KCNQ1: variants seen among roughly 807,000 people sequenced by gnomAD.
KCNQ1 encodes the protein potassium voltage-gated channel subfamily Q member 1.
Under a neutral mutation model 72.4 loss-of-function variants are expected in KCNQ1, and 49 were observed. The observed-to-expected ratio is 0.68, with a 90% CI of 0.54 to 0.86. The LOEUF (loss-of-function observed/expected upper bound fraction) is 0.86, where lower values mean the gene tolerates loss of function less well. Among genes scored for constraint, KCNQ1 ranks in the 40% least tolerant of loss-of-function variants. The pLI is 0.00. For synonymous variants in KCNQ1, 450 were observed against 412.6 expected (o/e 1.09, Z -1.10); for missense variants, 790 against 945.1 (o/e 0.84, Z 2.15).
intron 15 of KCNQ1, among the ~76,000 whole-genome samples, chr11:2,837,342 C>T (rs888160962): frequency 1.3e-5 from 2 of 152,104 alleles, no homozygotes; most frequent in Non-Finnish European, 2.9e-5. Flanking sequence ...TCCCCTGAGC[C>T]CCTCCCTTCA....
At chr11:2,730,692 C>G (rs1845842483) in intron 11 of KCNQ1, among the ~76,000 whole-genome samples, 1 of 152,196 alleles carries the variant, frequency 6.6e-6, no homozygotes, top group African/African-American at 2.4e-5. Flanking sequence ...CTATCCAGGC[C>G]CCATTACCCT....
intron 10 of KCNQ1, among the ~76,000 whole-genome samples, chr11:2,597,336 C>A (rs1848747082): frequency 6.6e-6 from 1 of 152,126 alleles, no homozygotes; most frequent in South Asian, 2.1e-4. Flanking sequence ...GAAATTTATT[C>A]TACACATATC....
At chr11:2,648,559 T>C (rs1009383379) in intron 10 of KCNQ1, 1 of 398,434 alleles carries the variant, frequency 2.5e-6, no homozygotes, top group Admixed American at 4.4e-5. Context: ...TGTAGTTTGA[T>C]TTCCGTGTAT....
rs2133896867 is a variant in KCNQ1, at chr11:2,695,256, C to G, written c.1514+33175C>G. ...CTCTCTTCCTCTCCATGCTTTTCCA[C>G]TTCATCTCTAGCCTCTATCCTTGCT... On this transcript the variant is annotated intron_variant, in intron 11 of 15. Coordinates refer to ENST00000155840, the MANE Select transcript of KCNQ1 (RefSeq NM_000218.3). This position sits in a 1 kb window ranked among gnomAD's most constrained non-coding sequence, Gnocchi z 5.2. 4 of 398,678 alleles carry G rather than the reference C, an allele frequency of 1.0e-5. No homozygotes were observed. The East Asian group carries it at 1.4e-4, about 14-fold the overall frequency. 24.7% of individuals were successfully genotyped at this position (398,678 alleles called of 1,614,324 possible).
chr11:2,706,117 A>G (rs937738833), intron 11 of KCNQ1, among the ~76,000 whole-genome samples: 2 of 152,366 alleles, frequency 1.3e-5, no homozygotes, highest in East Asian at 1.9e-4. Context: ...ATGTGTCTAC[A>G]AGGCCTTTGA....
At position 2,566,776 on chromosome 11, in the gene KCNQ1, A is replaced by G. The variant is rs6578273; in HGVS notation, c.478-3852A>G. Among the ~76,000 whole-genome samples the G allele has an allele frequency of 0.37, 55,612 of 151,954 alleles. 11,359 individuals carry two copies. The highest frequency in any genetic ancestry group is 0.61 in the East Asian group (3,145 of 5,154). ...CCTTGACCCCGGGGGGCTTGCAGGCACCACATAGATCTTGTGAGAGGCGCT... is the reference window on the plus strand; with the variant it reads ...CCTTGACCCCGGGGGGCTTGCAGGCGCCACATAGATCTTGTGAGAGGCGCT... On this transcript the variant is annotated intron_variant, in intron 2 of 15. Transcript: ENST00000155840. This position sits in a 1 kb window ranked among gnomAD's most constrained non-coding sequence, Gnocchi z 6.7.
chr11:2,470,526 C>T (rs1190431334), intron 1 of KCNQ1, among the ~76,000 whole-genome samples: 2 of 151,958 alleles, frequency 1.3e-5, no homozygotes, highest in African/African-American at 2.4e-5. Context: ...GAAGACAAGC[C>T]GGCGTCTTAT....
In KCNQ1 at chr11:2,612,780, C is replaced by A. The variant is rs971570812; in HGVS notation, c.1393+23926C>A. On this transcript the variant is annotated intron_variant, in intron 10 of 15. Transcript: ENST00000155840. This position sits in a 1 kb window ranked among gnomAD's most constrained non-coding sequence, Gnocchi z 5.5. ...GCTCATTATTCTTGTTCAAGGGTCA[C>A]AATTTTCTGTTTCTTTGCATATCTC... The A allele has an allele frequency of 2.5e-5, 10 of 398,414 alleles. No individual in the cohort carries two copies. The East Asian group carries it at 3.2e-4, about 13-fold the overall frequency. 24.7% of individuals were successfully genotyped at this position (398,414 alleles called of 1,614,324 possible). A position where few individuals can be genotyped will look rare whatever the true frequency, so the allele number is the denominator to read the frequency against.
chr11:2,509,850 G>T lies in KCNQ1; in HGVS notation c.387-18078G>T, dbSNP rs1333875130. Among the ~76,000 whole-genome samples the T allele has an allele frequency of 1.3e-5, 2 of 152,172 alleles. No homozygotes were observed. The highest frequency in any genetic ancestry group is 4.8e-5 in the African/African-American group (2 of 41,430). ...CCTGGCGGGGCCGGCCAATGGTGGC[G>T]TGATGCAGCCTGGCTTGGGAAATGC... On this transcript the variant is annotated intron_variant, in intron 1 of 15. Coordinates refer to ENST00000155840, the MANE Select transcript of KCNQ1 (RefSeq NM_000218.3). This position sits in a 1 kb window ranked among gnomAD's most constrained non-coding sequence, Gnocchi z 6.3.
At chr11:2,452,285 C>T (rs1846128351) in intron 1 of KCNQ1, among the ~76,000 whole-genome samples, 2 of 152,288 alleles carry the variant, frequency 1.3e-5, no homozygotes, top group East Asian at 1.9e-4. Flanking sequence ...GCAGGAACCA[C>T]AGGCAGAGCA....
chr11:2,609,631 A>G (rs898554812), intron 10 of KCNQ1: 6 of 398,256 alleles, frequency 1.5e-5, no homozygotes, highest in Non-Finnish European at 2.7e-5. Context: ...TGAAGTCTCC[A>G]ACTACTATTG....
chr11:2,773,838 G>C (rs1028387625), intron 12 of KCNQ1, among the ~76,000 whole-genome samples: 2 of 150,206 alleles, frequency 1.3e-5, no homozygotes, highest in African/African-American at 4.9e-5. Context: ...GATGCTACCA[G>C]GTACAAGAGA....
At chr11:2,521,632 C>A (rs888295704) in intron 1 of KCNQ1, 2 of 434,066 alleles carry the variant, frequency 4.6e-6, no homozygotes, top group Non-Finnish European at 9.8e-6. Flanking sequence ...GAGCTGCCCA[C>A]GTGTCTTTGC....
rs1029845098 is a variant in KCNQ1, at chr11:2,781,263, G to A, written c.1794+3226G>A. On this transcript the variant is annotated intron_variant, in intron 15 of 15. Coordinates refer to ENST00000155840, the MANE Select transcript of KCNQ1 (RefSeq NM_000218.3). This position sits in a 1 kb window ranked among gnomAD's most constrained non-coding sequence, Gnocchi z 6.6. ...GATGGGGAAACCGAGGCTCAGAGAG[G>A]CTGAGTGGTCGCCTGAGGTCACACA... Among the ~76,000 whole-genome samples the A allele has an allele frequency of 6.6e-6, 1 of 152,198 alleles. No homozygotes were observed. Among genetic ancestry groups the A allele is most frequent in the Non-Finnish European group, 1.5e-5 (1 of 68,036 alleles).
At chr11:2,821,005 G>A (rs887738353) in intron 15 of KCNQ1, among the ~76,000 whole-genome samples, 4 of 152,264 alleles carry the variant, frequency 2.6e-5, no homozygotes, top group African/African-American at 9.6e-5. Flanking sequence ...ATCTAAGCGA[G>A]GGGTTCCTTA....
intron 15 of KCNQ1, among the ~76,000 whole-genome samples, chr11:2,839,374 G>A (rs1427364267): frequency 5.3e-5 from 8 of 152,242 alleles, no homozygotes; most frequent in Admixed American, 1.3e-4. Context: ...ATGAATGTCC[G>A]CACGGAGCAG....
At position 2,612,697 on chromosome 11, in the gene KCNQ1, C is replaced by T. The variant is rs2133792795; in HGVS notation, c.1393+23843C>T. On this transcript the variant is annotated intron_variant, in intron 10 of 15. Coordinates refer to ENST00000155840, the MANE Select transcript of KCNQ1 (RefSeq NM_000218.3). This position sits in a 1 kb window ranked among gnomAD's most constrained non-coding sequence, Gnocchi z 5.5. ...TGGTTCTTTGAACATAGTTATAATA[C>T]TTACTTTGAAATCGCGCCCTAACAT... is the stretch of plus-strand genomic sequence containing the variant. The T allele has an allele frequency of 2.5e-6, 1 of 398,498 alleles. No individual in the cohort carries two copies. The highest frequency in any genetic ancestry group is 3.6e-5 in the East Asian group (1 of 28,052). 24.7% of individuals were successfully genotyped at this position (398,498 alleles called of 1,614,324 possible).
Position 2,473,735 on chromosome 11 carries a change from G to A in KCNQ1, c.386+28251G>A, listed in dbSNP as rs1418779225. Reference sequence around the variant, plus strand: ...GCCAGGGCAGGTCCTGGAGATGGCAGCCTGCAGGTTGAAGCCCCCGACAGC... The same window carrying A: ...GCCAGGGCAGGTCCTGGAGATGGCAACCTGCAGGTTGAAGCCCCCGACAGC... On this transcript the variant is annotated intron_variant, in intron 1 of 15. Coordinates refer to ENST00000155840, the MANE Select transcript of KCNQ1 (RefSeq NM_000218.3). The surrounding 1 kb of genome is among the most constrained non-coding windows in gnomAD (Gnocchi z 6.0). 1.3e-5 allele frequency among the ~76,000 whole-genome samples: 2 copies of A among 152,214 alleles called. No individual in the cohort carries two copies. The highest frequency in any genetic ancestry group is 4.8e-5 in the African/African-American group (2 of 41,456).
chr11:2,499,137 TAC>T (rs1846968100), intron 1 of KCNQ1, among the ~76,000 whole-genome samples: 1 of 150,876 alleles, frequency 6.6e-6, no homozygotes, highest in Admixed American at 6.6e-5. Flanking sequence ...CACTGACAGC[TAC>T]AGACTGGAGC....
Sources: gnomAD v4.1 joint callset for allele counts (sites outside exome capture counted in the v4.1 genomes callset) on GRCh38, gnomAD v4.1.1 for gene constraint, Gnocchi (gnomAD v3.1) non-coding constraint, MANE v1.5 for transcripts, NCBI Gene and HGNC (gene_info 2026-07-23, HGNC 2026-07-21) for gene names.